Variants in AK5 observed in about 807,000 individuals in gnomAD.
The protein encoded by AK5 is adenylate kinase isoenzyme 5.
Under a neutral mutation model 69.5 loss-of-function variants are expected in AK5, and 27 were observed. That is an observed-to-expected ratio of 0.39 (90% CI 0.29 to 0.54). The LOEUF is 0.54. Ranked by LOEUF, AK5 falls within the 20% of genes least tolerant of loss-of-function variation. The probability of loss-of-function intolerance (pLI) is 0.71; values close to 1 mark genes in which losing one functional copy is unlikely to be tolerated. For synonymous variants in AK5, 260 were observed against 244.4 expected (o/e 1.06, Z -0.60); for missense variants, 531 against 700.4 (o/e 0.76, Z 2.73).
chr1:77,369,882 A>C (rs1647087304), intron 6 of AK5, among the ~76,000 whole-genome samples: 1 of 152,228 alleles, frequency 6.6e-6, no homozygotes, highest in South Asian at 2.1e-4. Context: ...TAGAGTTAAG[A>C]GTGTAGTCAT....
chr1:77,528,288 G>C (rs1371948944), intron 12 of AK5, among the ~76,000 whole-genome samples: 1 of 152,042 alleles, frequency 6.6e-6, no homozygotes, highest in Non-Finnish European at 1.5e-5. Context: ...TTCCCCTAGT[G>C]CATCAGGCCT....
intron 6 of AK5, among the ~76,000 whole-genome samples, chr1:77,367,595 A>ATC: frequency 1.1e-5 from 1 of 91,126 alleles, no homozygotes; most frequent in Non-Finnish European, 2.1e-5. Flanking sequence ...TATGTTATAT[A>ATC]TGTAATATAT....
At chr1:77,283,695 G>A (rs1658191426) in intron 1 of AK5, 1 of 836,752 alleles carries the variant, frequency 1.2e-6, no homozygotes, top group African/African-American at 1.9e-5. Flanking sequence ...TAATTAGGTG[G>A]TGTTGCATAA....
At chr1:77,405,402 C>T (rs1034699065) in intron 6 of AK5, among the ~76,000 whole-genome samples, 4 of 152,218 alleles carry the variant, frequency 2.6e-5, no homozygotes, top group African/African-American at 9.6e-5. Context: ...CCCCCTTGGC[C>T]TCGGTTGCTT....
rs2100382257 is a variant in AK5, at chr1:77,340,565, G to A, written c.888G>A (p.Met296Ile). ...VKYFQEKGLI[M>I]TFDADRDEDE... ...ACTTCCAGGAAAAGGGGCTCATCAT[G>A]ACAGTAAGTTAGCTCGACTTTTACA... Residue 296 changes from methionine to isoleucine, a missense_variant, in exon 6 of 14, where the codon ATG becomes ATA. Coordinates refer to ENST00000354567, the MANE Select transcript of AK5 (RefSeq NM_174858.3). The A allele has an allele frequency of 6.2e-7, 1 of 1,613,564 alleles. No homozygotes were observed. Among genetic ancestry groups the A allele is most frequent in the Middle Eastern group, 1.7e-4 (1 of 6,058 alleles).
At chr1:77,508,280 T>A in intron 10 of AK5, among the ~76,000 whole-genome samples, 1 of 152,346 alleles carries the variant, frequency 6.6e-6, no homozygotes, top group East Asian at 1.9e-4. Flanking sequence ...AAATTGCAGA[T>A]GTCTGTACAC....
chr1:77,308,683 A>G (rs1176027173), intron 5 of AK5, among the ~76,000 whole-genome samples: 2 of 152,134 alleles, frequency 1.3e-5, no homozygotes, highest in Admixed American at 1.3e-4. Context: ...GAAAAGGTGG[A>G]TTTCCATAGG....
intron 6 of AK5, among the ~76,000 whole-genome samples, chr1:77,400,249 T>G (rs1245072904): frequency 2.0e-5 from 3 of 152,200 alleles, no homozygotes; most frequent in Non-Finnish European, 2.9e-5. Flanking sequence ...AGCCTTGGCA[T>G]CTGCATCTGT....
At chr1:77,421,496 A>C (rs1481084505) in intron 8 of AK5, among the ~76,000 whole-genome samples, 1 of 152,238 alleles carries the variant, frequency 6.6e-6, no homozygotes, top group Non-Finnish European at 1.5e-5. Context: ...TGTGATCTCC[A>C]AAGGGATTAT....
At chr1:77,310,675 C>T (rs961339486) in intron 5 of AK5, among the ~76,000 whole-genome samples, 2 of 152,102 alleles carry the variant, frequency 1.3e-5, no homozygotes, top group African/African-American at 4.8e-5. Flanking sequence ...GCCACCGCAC[C>T]CGGCCCTATT....
chr1:77,497,831 C>T (rs953300310), intron 10 of AK5, among the ~76,000 whole-genome samples: 3 of 152,174 alleles, frequency 2.0e-5, no homozygotes, highest in Non-Finnish European at 4.4e-5. Context: ...ATCCACCTGC[C>T]TTGGCCTCCC....
rs180707821 is a variant in AK5 at position 77,406,124 on chromosome 1, A to C, written c.892-4857A>C. ...TGATAACTAACAGATATCTGAAAAG[A>C]AAAACAGCCAGCATATGTAGATGTG... On this transcript the variant is annotated intron_variant, in intron 6 of 13. Transcript: ENST00000354567. Among the ~76,000 whole-genome samples the C allele has an allele frequency of 8.1e-4, 113 of 139,792 alleles. 1 individual carries two copies. Among genetic ancestry groups the C allele is most frequent in the Admixed American group, 5.7e-3 (77 of 13,420 alleles). 91.7% of individuals were successfully genotyped at this position (139,792 alleles called of 152,430 possible).
At chr1:77,360,580 A>C (rs1298518708) in intron 6 of AK5, among the ~76,000 whole-genome samples, 1 of 152,218 alleles carries the variant, frequency 6.6e-6, no homozygotes, top group African/African-American at 2.4e-5. Flanking sequence ...AAAAAAACTA[A>C]GGCAGCAGTT....
intron 12 of AK5, among the ~76,000 whole-genome samples, chr1:77,532,758 G>GGC (rs1658719979): frequency 6.6e-6 from 1 of 152,176 alleles, no homozygotes; most frequent in Non-Finnish European, 1.5e-5. Flanking sequence ...AGGCCATGGA[G>GGC]AATCCGGTGA....
chr1:77,471,333 C>T (rs147470532), intron 8 of AK5, among the ~76,000 whole-genome samples: 2 of 152,056 alleles, frequency 1.3e-5, no homozygotes, highest in African/African-American at 4.8e-5. Flanking sequence ...GGGGATAATA[C>T]CTCCTTCAGT....
At chr1:77,554,393 A>G (rs1261933323) in intron 13 of AK5, among the ~76,000 whole-genome samples, 1 of 152,204 alleles carries the variant, frequency 6.6e-6, no homozygotes, top group African/African-American at 2.4e-5. Context: ...TTGGAATAGC[A>G]TAGAACATCC....
rs547716790 is a variant in AK5, at chr1:77,413,228, C to T, written c.982+2157C>T. On this transcript the variant is annotated intron_variant, in intron 7 of 13. Transcript: ENST00000354567. ...CTGAATACCTCAAGTTCCTTCCTGC[C>T]TTAGGCATTTTCCACCTGCTCTTCT... is the stretch of plus-strand genomic sequence containing the variant. 3.9e-5 allele frequency among the ~76,000 whole-genome samples: 6 copies of T among 152,228 alleles called. No homozygotes were observed. The East Asian group carries it at 9.6e-4, about 24-fold the overall frequency.
intron 5 of AK5, among the ~76,000 whole-genome samples, chr1:77,328,695 T>C (rs1193370061): frequency 6.6e-6 from 1 of 152,176 alleles, no homozygotes; most frequent in African/African-American, 2.4e-5. Context: ...TCAGCAGATA[T>C]GATTAATTAG....
At chr1:77,503,768 G>A (rs1457037623) in intron 10 of AK5, among the ~76,000 whole-genome samples, 1 of 151,994 alleles carries the variant, frequency 6.6e-6, no homozygotes, top group Non-Finnish European at 1.5e-5. Context: ...AGCCAGGTGT[G>A]GTGGCGGGCG....
Sources: allele counts gnomAD v4.1 joint callset (sites outside exome capture counted in the v4.1 genomes callset), GRCh38; gene constraint gnomAD v4.1.1; transcripts MANE v1.5; gene names NCBI Gene and HGNC (gene_info 2026-07-23, HGNC 2026-07-21).